ABCA4: variants seen among roughly 807,000 people sequenced by gnomAD.
ABCA4 encodes the protein ATP binding cassette subfamily A member 4.
Under a neutral mutation model 263.7 loss-of-function variants are expected in ABCA4, and 196 were observed. The observed-to-expected ratio is 0.74, with a 90% CI of 0.66 to 0.84. The LOEUF (loss-of-function observed/expected upper bound fraction) is 0.84. Among genes scored for constraint, ABCA4 ranks in the 40% least tolerant of loss-of-function variants. The pLI, the probability that ABCA4 is intolerant of heterozygous loss-of-function variation, is 0.00. For synonymous variants in ABCA4, 1,133 were observed against 1,094.2 expected (o/e 1.04, Z -0.70); for missense variants, 2,792 against 2,855.1 (o/e 0.98, Z 0.50).
chr1:94,109,062 G>A (rs192597177), intron 3 of ABCA4, among the ~76,000 whole-genome samples: 4 of 152,252 alleles, frequency 2.6e-5, no homozygotes, highest in Admixed American at 1.3e-4. Context: ...ATGAGCCACC[G>A]TGCTTGGCCA....
rs1253802366 is a variant in ABCA4 at position 94,010,785 on chromosome 1, G to A, written c.5714+15C>T. 6.2e-7 allele frequency: 1 copy of A among 1,614,160 alleles called. No individual in the cohort carries two copies. Among genetic ancestry groups the A allele is most frequent in the Non-Finnish European group, 8.5e-7 (1 of 1,180,026 alleles). On this transcript the variant is annotated intron_variant, in intron 40 of 49. Transcript: ENST00000370225. ...CCTGAGCTGCCCACTGGCCCAGGGTGTGGCATGGACGTACCATTGGGAGAG... is the reference window on the plus strand; with the variant it reads ...CCTGAGCTGCCCACTGGCCCAGGGTATGGCATGGACGTACCATTGGGAGAG...
At position 94,040,046 on chromosome 1, in the gene ABCA4, C is replaced by T. The variant is rs1196264082; in HGVS notation, c.3604G>A (p.Asp1202Asn). Residue 1202 changes from aspartate to asparagine, a missense_variant, in exon 24 of 50, where the codon GAT (aspartate) becomes AAT (asparagine). By Grantham distance (23) the Asp-to-Asn change is conservative. Transcript: ENST00000370225. Reference protein sequence around the residue: ...VDDLTPEQVLDGDVNELMDVV... With the variant: ...VDDLTPEQVLNGDVNELMDVV... ...GTATGGCCCGTCCAGTCCTTACCAT[C>T]CAGGACTTGTTCTGGAGTTAGGTCA... is the stretch of plus-strand genomic sequence containing the variant. 1.2e-6 allele frequency: 2 copies of T among 1,602,546 alleles called. No individual in the cohort carries two copies. Among genetic ancestry groups the T allele is most frequent in the East Asian group, 2.2e-5 (1 of 44,746 alleles).
intron 22 of ABCA4, among the ~76,000 whole-genome samples, chr1:94,042,016 T>G (rs1369930133): frequency 2.8e-5 from 4 of 142,418 alleles, no homozygotes; most frequent in African/African-American, 1.1e-4. Context: ...GGAGAATGGC[T>G]CGAACCCAGG....
At chr1:94,099,579 C>G (rs547234372) in intron 5 of ABCA4, among the ~76,000 whole-genome samples, 1 of 152,264 alleles carries the variant, frequency 6.6e-6, no homozygotes, top group East Asian at 1.9e-4. Context: ...ACAGTACCAT[C>G]AAGGCTTCCT....
chr1:94,063,901 T>A (rs1310936597), intron 11 of ABCA4, among the ~76,000 whole-genome samples: 1 of 151,646 alleles, frequency 6.6e-6, no homozygotes, highest in African/African-American at 2.4e-5. Context: ...GGAGGAGGAA[T>A]TTCTATAATA....
At chr1:94,112,707 A>T (rs551758183) in intron 2 of ABCA4, among the ~76,000 whole-genome samples, 4 of 152,370 alleles carry the variant, frequency 2.6e-5, no homozygotes, top group African/African-American at 9.6e-5. Flanking sequence ...AGGCAGGAGG[A>T]TCACTTGAGC....
Position 94,108,736 on chromosome 1 carries a change from T to A in ABCA4, c.303-20A>T. On this transcript the variant is annotated intron_variant, in intron 3 of 49. Coordinates refer to ENST00000370225, the MANE Select transcript of ABCA4 (RefSeq NM_000350.3). ...GCCAAGCTGTAAGGACAAAGCCTCA[T>A]TAATAAGGAAATAGCTGTTATTTTT... 1 of 1,613,422 alleles carries A rather than the reference T, an allele frequency of 6.2e-7. No homozygotes were observed. Among genetic ancestry groups the A allele is most frequent in the East Asian group, 2.2e-5 (1 of 44,872 alleles).
intron 6 of ABCA4, among the ~76,000 whole-genome samples, chr1:94,086,649 A>T (rs1661833861): frequency 6.6e-6 from 1 of 152,158 alleles, no homozygotes. Flanking sequence ...AAGGATAATC[A>T]ATGTTAACAA....
rs138157885 is a variant in ABCA4 at position 94,077,722 on chromosome 1, G to T, written c.1522C>A (p.Arg508Ser). The T allele has an allele frequency of 1.2e-6, 2 of 1,613,918 alleles. No individual in the cohort carries two copies. Among genetic ancestry groups the T allele is most frequent in the South Asian group, 2.2e-5 (2 of 91,016 alleles). The change falls in exon 11 of 50, where the codon CGC becomes AGC. Residue 508 changes from arginine (R) to serine (S), a missense_variant. Transcript: ENST00000370225. ...TATTGATTGACCAGGCGGAGGGTGCGATCAGTGATGTTAAATATGTCCCTC... is the reference window on the plus strand; with the variant it reads ...TATTGATTGACCAGGCGGAGGGTGCTATCAGTGATGTTAAATATGTCCCTC... ...DWRDIFNITD[R>S]TLRLVNQYLE...
intron 8 of ABCA4, among the ~76,000 whole-genome samples, chr1:94,079,697 G>A (rs1276817385): frequency 6.6e-6 from 1 of 152,130 alleles, no homozygotes; most frequent in African/African-American, 2.4e-5. Flanking sequence ...CTTGCCCTGT[G>A]GTTTATTCTG....
At position 94,088,495 on chromosome 1, in the gene ABCA4, C is replaced by A. The variant is rs78136396; in HGVS notation, c.769-5054G>T. On this transcript the variant is annotated intron_variant, in intron 6 of 49. Transcript: ENST00000370225. ...GCTTCAGACTTACATATCCAACTGTCTGCTGGGCATCTGCCTAGATCCAGC... is the reference window on the plus strand; with the variant it reads ...GCTTCAGACTTACATATCCAACTGTATGCTGGGCATCTGCCTAGATCCAGC... 1.7e-4 allele frequency among the ~76,000 whole-genome samples: 26 copies of A among 152,386 alleles called. No individual in the cohort carries two copies. In the East Asian group the frequency reaches 4.8e-3, roughly 28 times the overall value.
chr1:94,114,938 C>T (rs1370857546), intron 1 of ABCA4, among the ~76,000 whole-genome samples: 1 of 152,202 alleles, frequency 6.6e-6, no homozygotes, highest in Non-Finnish European at 1.5e-5. Context: ...GGGCAGAACT[C>T]ATAATAGGTG....
intron 18 of ABCA4, 106 bp from the exon 19 acceptor site, chr1:94,047,199 T>G: frequency 1.6e-6 from 2 of 1,282,830 alleles, no homozygotes; most frequent in Non-Finnish European, 2.3e-6. Flanking sequence ...CACCTGCCCC[T>G]GTGGCTTCGG....
In ABCA4 at chr1:94,083,857, A is replaced by G. The variant is rs113990295; in HGVS notation, c.769-416T>C. On this transcript the variant is annotated intron_variant, in intron 6 of 49. Coordinates refer to ENST00000370225, the MANE Select transcript of ABCA4 (RefSeq NM_000350.3). ...TTGTAGACACTGCAGTCTTCTCGTCATTGTTTACATCTTTCTTCCTTTGTG... is the reference window on the plus strand; with the variant it reads ...TTGTAGACACTGCAGTCTTCTCGTCGTTGTTTACATCTTTCTTCCTTTGTG... Among the ~76,000 whole-genome samples, 518 of 152,264 alleles carry G rather than the reference A, an allele frequency of 3.4e-3. 3 individuals are homozygous for G. The highest frequency in any genetic ancestry group is 0.012 in the African/African-American group (494 of 41,548).
chr1:94,119,867 G>A (rs1662900311), intron 1 of ABCA4, among the ~76,000 whole-genome samples: 1 of 152,046 alleles, frequency 6.6e-6, no homozygotes, highest in South Asian at 2.1e-4. Context: ...ATTCTGAACC[G>A]AGATTTGGAA....
At chr1:94,024,855 C>T (rs554025169) in intron 31 of ABCA4, 99 bp downstream of exon 31, 1 of 1,107,542 alleles carries the variant, frequency 9.0e-7, no homozygotes, top group Admixed American at 1.9e-5. Flanking sequence ...ATCTACTGCC[C>T]TGATCATACA....
intron 40 of ABCA4, among the ~76,000 whole-genome samples, chr1:94,010,292 C>T (rs1414925639): frequency 1.3e-5 from 2 of 152,146 alleles, no homozygotes; most frequent in Admixed American, 6.5e-5. Context: ...ATTTGAGAAG[C>T]CCTGGTCAAA....
chr1:94,062,625 A>T lies in ABCA4; in HGVS notation c.1889T>A (p.Val630Asp). 1 of 1,614,162 alleles carries T rather than the reference A, an allele frequency of 6.2e-7. No individual in the cohort carries two copies. The highest frequency in any genetic ancestry group is 8.5e-7 in the Non-Finnish European group (1 of 1,180,028). The change falls in exon 13 of 50, where the codon GTT becomes GAT. Residue 630 changes from valine (V) to aspartate (D), a missense_variant. Transcript: ENST00000370225. ...TRSQVQAEAPVGIYLQQMPYP... is the reference protein window; with the variant it reads ...TRSQVQAEAPDGIYLQQMPYP... ...GGGCATCTGCTGGAGGTAGATTCCA[A>T]CTGGAGCCTCCGCCTGCACCTGGCT...
At chr1:94,004,806 T>A (rs1659326030) in intron 44 of ABCA4, among the ~76,000 whole-genome samples, 1 of 152,210 alleles carries the variant, frequency 6.6e-6, no homozygotes, top group African/African-American at 2.4e-5. Flanking sequence ...GATCACCAAA[T>A]TCATTGTTTT....
Sources: gnomAD v4.1 joint callset for allele counts (sites outside exome capture counted in the v4.1 genomes callset) on GRCh38, gnomAD v4.1.1 for gene constraint, MANE v1.5 for transcripts, NCBI Gene and HGNC (gene_info 2026-07-23, HGNC 2026-07-21) for gene names.